Variants in ENOX1 observed in about 807,000 individuals in gnomAD.
ENOX1 encodes the protein ecto-NOX disulfide-thiol exchanger 1.
ENOX1 carries 42 observed loss-of-function variants against 82.5 expected under a neutral mutation model. That is an observed-to-expected ratio of 0.51 (90% CI 0.40 to 0.66). ENOX1 has a LOEUF of 0.66. Ranked by LOEUF, ENOX1 falls within the 30% of genes least tolerant of loss-of-function variation. The pLI is 0.00. For missense variants in ENOX1, 608 were observed against 811.6 expected (o/e 0.75, Z 3.05); for synonymous variants, 271 against 282.2 (o/e 0.96, Z 0.40).
chr13:43,462,120 T>C (rs1399777554), intron 3 of ENOX1, among the ~76,000 whole-genome samples: 1 of 152,182 alleles, frequency 6.6e-6, no homozygotes, highest in East Asian at 1.9e-4. Flanking sequence ...CCACTCTATC[T>C]GATCCAGTGA....
chr13:43,582,538 A>C (rs776991211), intron 2 of ENOX1, among the ~76,000 whole-genome samples: 128 of 152,298 alleles, frequency 8.4e-4, no homozygotes, highest in Non-Finnish European at 7.2e-4. Context: ...AAAAATAATA[A>C]GAGCCAGATA....
chr13:43,609,437 C>A (rs2082108344), intron 2 of ENOX1, among the ~76,000 whole-genome samples: 1 of 152,120 alleles, frequency 6.6e-6, no homozygotes, highest in Non-Finnish European at 1.5e-5. Context: ...TGTTTTGGTA[C>A]AATGAATAAT....
At chr13:43,372,124 C>A (rs1410509765) in intron 5 of ENOX1, among the ~76,000 whole-genome samples, 1 of 152,110 alleles carries the variant, frequency 6.6e-6, no homozygotes, top group Non-Finnish European at 1.5e-5. Flanking sequence ...GTTGTTGAGT[C>A]CACAATGTCA....
rs2042687470 is a variant in ENOX1 at position 43,239,032 on chromosome 13, A to C, written c.1612-2294T>G. On this transcript the variant is annotated intron_variant, in intron 14 of 16. Coordinates refer to ENST00000690772, the MANE Select transcript of ENOX1 (RefSeq NM_001347969.2). The stretch of plus-strand genomic sequence containing the variant: ...AAAGGGGGACTCTGAGCAAGGTTCA[A>C]AGAAATACTGCTGCATCAACAATGT... Among the ~76,000 whole-genome samples the C allele has an allele frequency of 3.3e-5, 5 of 152,188 alleles. No homozygotes were observed. In the South Asian group the frequency reaches 1.0e-3, roughly 32 times the overall value.
intron 2 of ENOX1, among the ~76,000 whole-genome samples, chr13:43,608,754 C>T (rs1294907294): frequency 6.6e-6 from 1 of 152,138 alleles, no homozygotes; most frequent in Non-Finnish European, 1.5e-5. Flanking sequence ...CAAAGACCTG[C>T]TTCATGACTA....
At chr13:43,351,502 T>G (rs995756324) in intron 8 of ENOX1, among the ~76,000 whole-genome samples, 286 of 149,200 alleles carry the variant, frequency 1.9e-3, no homozygotes, top group Non-Finnish European at 3.2e-3. Context: ...TGTATACATG[T>G]GCCATGCTGG....
chr13:43,540,359 C>T (rs926461764), intron 2 of ENOX1, among the ~76,000 whole-genome samples: 11 of 152,082 alleles, frequency 7.2e-5, no homozygotes, highest in African/African-American at 2.7e-4. Flanking sequence ...AAGCCAACTT[C>T]GTGTTACTAA....
At chr13:43,465,597 G>A (rs1196751712) in intron 3 of ENOX1, among the ~76,000 whole-genome samples, 2 of 152,150 alleles carry the variant, frequency 1.3e-5, no homozygotes, top group African/African-American at 2.4e-5. Context: ...TGTGCTTGAT[G>A]CTACTGAGGT....
intron 2 of ENOX1, among the ~76,000 whole-genome samples, chr13:43,540,150 A>G (rs184683749): frequency 6.6e-6 from 1 of 152,352 alleles, no homozygotes; most frequent in Non-Finnish European, 1.5e-5. Context: ...AATGAATACA[A>G]TTACAAACAT....
At chr13:43,468,558 A>C (rs2057845002) in intron 3 of ENOX1, among the ~76,000 whole-genome samples, 1 of 151,886 alleles carries the variant, frequency 6.6e-6, no homozygotes, top group African/African-American at 2.4e-5. Flanking sequence ...GGGAGGCAGA[A>C]TCAGGAGGAT....
At chr13:43,216,713 C>G (rs763778080) in intron 16 of ENOX1, among the ~76,000 whole-genome samples, 2 of 152,194 alleles carry the variant, frequency 1.3e-5, no homozygotes, top group African/African-American at 2.4e-5. Context: ...AGCCCACCAG[C>G]ACCTTGTTTA....
chr13:43,619,861 T>C (rs1233633433), intron 2 of ENOX1, among the ~76,000 whole-genome samples: 1 of 152,186 alleles, frequency 6.6e-6, no homozygotes, highest in Non-Finnish European at 1.5e-5. Flanking sequence ...GGTAGAATTC[T>C]GCTGTGAATC....
intron 1 of ENOX1, among the ~76,000 whole-genome samples, chr13:43,721,317 T>G (rs1010083701): frequency 6.6e-6 from 1 of 151,358 alleles, no homozygotes; most frequent in African/African-American, 2.4e-5. Flanking sequence ...ATAGCAAATT[T>G]AAAACACCAT....
At chr13:43,244,243 A>G (rs1189802630) in intron 14 of ENOX1, among the ~76,000 whole-genome samples, 1 of 151,824 alleles carries the variant, frequency 6.6e-6, no homozygotes, top group Non-Finnish European at 1.5e-5. Context: ...AGGACCAAAT[A>G]TAAGTGAGAC....
chr13:43,678,766 C>T (rs1045278936), intron 1 of ENOX1, among the ~76,000 whole-genome samples: 6 of 152,288 alleles, frequency 3.9e-5, no homozygotes, highest in African/African-American at 1.2e-4. Context: ...GCCTAGGTTG[C>T]CGCCATTAAT....
At chr13:43,294,643 T>C (rs569037871) in intron 12 of ENOX1, among the ~76,000 whole-genome samples, 19 of 152,278 alleles carry the variant, frequency 1.2e-4, no homozygotes, top group African/African-American at 4.1e-4. Flanking sequence ...TCAAGTAAAA[T>C]GAAAAATTAT....
At chr13:43,778,891 G>C (rs1391011681) in intron 1 of ENOX1, among the ~76,000 whole-genome samples, 1 of 152,192 alleles carries the variant, frequency 6.6e-6, no homozygotes, top group African/African-American at 2.4e-5. Context: ...GGGAATGGCA[G>C]GTAAGTGACC....
chr13:43,739,560 A>G (rs903654444), intron 1 of ENOX1, among the ~76,000 whole-genome samples: 4 of 150,344 alleles, frequency 2.7e-5, no homozygotes, highest in Non-Finnish European at 4.4e-5. Flanking sequence ...AAATAATAAT[A>G]ATTATTATTA....
At chr13:43,427,383 T>C (rs1188175473) in intron 3 of ENOX1, among the ~76,000 whole-genome samples, 1 of 152,212 alleles carries the variant, frequency 6.6e-6, no homozygotes, top group African/African-American at 2.4e-5. Context: ...TCCAGAAGGC[T>C]ATTCCTTTGG....
Sources: gnomAD v4.1 joint callset for allele counts (sites outside exome capture counted in the v4.1 genomes callset) on GRCh38, gnomAD v4.1.1 for gene constraint, MANE v1.5 for transcripts, NCBI Gene and HGNC (gene_info 2026-07-23, HGNC 2026-07-21) for gene names.